ANKRD52: variants seen among roughly 807,000 people sequenced by gnomAD.
ANKRD52 encodes the protein ankyrin repeat domain 52.
A neutral mutation model predicts 116.0 loss-of-function variants in ANKRD52; 7 were observed. The ratio of observed to expected loss-of-function variants is 0.06; its 90% confidence interval spans 0.03 to 0.11. The LOEUF is 0.11. Ranked by LOEUF, ANKRD52 falls within the 10% of genes least tolerant of loss-of-function variation. The pLI is 1.00. For missense variants in ANKRD52, 839 were observed against 1,408.6 expected, an observed-to-expected ratio of 0.60 and a Z score of 6.47; for synonymous variants, 528 against 578.1, an observed-to-expected ratio of 0.91 and a Z score of 1.24.
At chr12:56,250,998 T>G (rs1871661698) in intron 15 of ANKRD52, among the ~76,000 whole-genome samples, 1 of 152,146 alleles carries the variant, frequency 6.6e-6, no homozygotes, top group Non-Finnish European at 1.5e-5. Flanking sequence ...TGGAGTGGAT[T>G]AGTGTGATCT....
rs1871830744 is a variant in ANKRD52, at chr12:56,254,135, C to A, written c.838G>T (p.Ala280Ser). ...DKGFTPLHVAAVSTNGALCLE... is the reference protein window; with the variant it reads ...DKGFTPLHVASVSTNGALCLE... Reference sequence around the variant, plus strand: ...CAGAGAGCGCCATTGGTGGAGACTGCAGCCACATGCAGTGGCGTGAAGCCC... The same window carrying A: ...CAGAGAGCGCCATTGGTGGAGACTGAAGCCACATGCAGTGGCGTGAAGCCC... Residue 280 changes from alanine to serine, a missense_variant, in exon 8 of 28, where the codon GCA becomes TCA. This residue lies in a region of ANKRD52 where 287 missense variants were observed against 598.1 expected (regional missense o/e 0.48). Coordinates refer to ENST00000267116, the MANE Select transcript of ANKRD52 (RefSeq NM_173595.4). The surrounding 1 kb of genome is among the most constrained non-coding windows in gnomAD (Gnocchi z 4.6). 2.5e-6 allele frequency: 4 copies of A among 1,613,742 alleles called. No individual in the cohort carries two copies. Among genetic ancestry groups the A allele is most frequent in the Non-Finnish European group, 1.7e-6 (2 of 1,179,852 alleles).
chr12:56,248,290 C>G lies in ANKRD52; in HGVS notation c.1777-66G>C, dbSNP rs1871516107. ...TTCCCTGCTCCTCCCTTCCCCTTCT[C>G]TGCTCTTGGGGTCCCTGGGAAGCTC... On this transcript the variant is annotated intron_variant, in intron 17 of 27. Coordinates refer to ENST00000267116, the MANE Select transcript of ANKRD52 (RefSeq NM_173595.4). The surrounding 1 kb of genome is among the most constrained non-coding windows in gnomAD (Gnocchi z 5.1). 2 of 1,577,012 alleles carry G rather than the reference C, an allele frequency of 1.3e-6. No individual in the cohort carries two copies. Among genetic ancestry groups the G allele is most frequent in the Non-Finnish European group, 1.7e-6 (2 of 1,151,934 alleles).
chr12:56,257,949 C>G (rs757327432), intron 1 of ANKRD52, 38 bp from the exon 2 acceptor site: 1 of 1,541,062 alleles, frequency 6.5e-7, no homozygotes, highest in Non-Finnish European at 8.9e-7. Flanking sequence ...CGGGCTGGAG[C>G]CGGAGCGGAA....
rs1565604537 is a variant in ANKRD52 at position 56,238,398 on chromosome 12, T to C, written c.*4744A>G. The C allele has an allele frequency of 6.6e-6, 1 of 152,328 alleles. No individual in the cohort carries two copies. Among genetic ancestry groups the C allele is most frequent in the Non-Finnish European group, 1.5e-5 (1 of 68,224 alleles). The allele number at this position is 152,328 out of a possible 1,614,324, so 9.4% of individuals were successfully genotyped here. On this transcript the variant is annotated 3_prime_UTR_variant, in exon 28 of 28. Coordinates refer to ENST00000267116, the MANE Select transcript of ANKRD52 (RefSeq NM_173595.4). ...AAGGGGAGGTTCACACACACATAGA[T>C]GCCCACAGCGGGTACCAGACGGAGA...
chr12:56,247,089 A>G (rs1871443762), intron 20 of ANKRD52, among the ~76,000 whole-genome samples: 1 of 151,500 alleles, frequency 6.6e-6, no homozygotes, highest in South Asian at 2.1e-4. Context: ...TCATGCCTGT[A>G]ATCCCAGCAC....
rs548490878 is a variant in ANKRD52 at position 56,256,923 on chromosome 12, TA to T, written c.261+91del. The stretch of plus-strand genomic sequence containing the variant: ...TCACTACCTGGGGTAGAACAGCTTG[TA>T]GGGCTGAGGACTGAGGCTCCTTAAC... On this transcript the variant is annotated intron_variant, in intron 4 of 27. Coordinates refer to ENST00000267116, the MANE Select transcript of ANKRD52 (RefSeq NM_173595.4). 2,242 of 1,366,410 alleles carry T rather than the reference TA, an allele frequency of 1.6e-3. 3 individuals carry two copies. The highest frequency in any genetic ancestry group is 2.1e-3 in the Admixed American group (84 of 39,194). The allele number at this position is 1,366,410 out of a possible 1,614,324, so 84.6% of individuals were successfully genotyped here.
chr12:56,249,189 C>T (rs1183390495), intron 15 of ANKRD52, among the ~76,000 whole-genome samples: 5 of 152,176 alleles, frequency 3.3e-5, no homozygotes, highest in South Asian at 2.1e-4. Flanking sequence ...CCTCCAGGCA[C>T]GCCAACCCCT....
intron 4 of ANKRD52, among the ~76,000 whole-genome samples, chr12:56,256,223 A>G (rs1315040772): frequency 2.0e-5 from 3 of 152,158 alleles, no homozygotes; most frequent in Non-Finnish European, 2.9e-5. Context: ...TCTTCAAGCC[A>G]CCTGACTCGC....
chr12:56,244,253 C>A lies in ANKRD52; in HGVS notation c.2805+100G>T. Reference sequence around the variant, plus strand: ...TGCCCAACCAGTCGGATAGGCTGGACAATCCTCACTTCTGCCCCAGTCCCC... The same window carrying A: ...TGCCCAACCAGTCGGATAGGCTGGAAAATCCTCACTTCTGCCCCAGTCCCC... On this transcript the variant is annotated intron_variant, in intron 25 of 27. Coordinates refer to ENST00000267116, the MANE Select transcript of ANKRD52 (RefSeq NM_173595.4). This position sits in a 1 kb window ranked among gnomAD's most constrained non-coding sequence, Gnocchi z 4.9. The A allele has an allele frequency of 1.3e-6, 2 of 1,529,308 alleles. No individual in the cohort carries two copies. The highest frequency in any genetic ancestry group is 1.8e-6 in the Non-Finnish European group (2 of 1,107,602). The allele number at this position is 1,529,308 out of a possible 1,614,324, so 94.7% of individuals were successfully genotyped here. A position where few individuals can be genotyped will look rare whatever the true frequency, so the allele number is the denominator to read the frequency against.
At chr12:56,247,956 C>A in intron 18 of ANKRD52, 67 bp downstream of exon 18, 1 of 1,489,436 alleles carries the variant, frequency 6.7e-7, no homozygotes, top group Non-Finnish European at 9.1e-7. Flanking sequence ...CACTTTCCAG[C>A]CCCATTCCCA....
Position 56,248,854 on chromosome 12 carries a change from G to T in ANKRD52, c.1609C>A (p.Leu537Met). Residue 537 changes from leucine to methionine, a missense_variant, in exon 16 of 28, where the codon CTG becomes ATG. By Grantham distance (15) the Leu-to-Met change is conservative. Around this residue, in one of 2 missense-constraint regions of ANKRD52, gnomAD observed 552 missense variants for 810.6 expected, o/e 0.68. Coordinates refer to ENST00000267116, the MANE Select transcript of ANKRD52 (RefSeq NM_173595.4). The surrounding 1 kb of genome is among the most constrained non-coding windows in gnomAD (Gnocchi z 5.1). ...KEAFFCLEFLLDNGADPSLRD... is the reference protein window; with the variant it reads ...KEAFFCLEFLMDNGADPSLRD... ...AGGGAGGGGTCTGCACCGTTATCCA[G>T]TAAGAACTCCAGACAGCTGGGGAGC... The T allele has an allele frequency of 6.2e-7, 1 of 1,605,068 alleles. No homozygotes were observed. Among genetic ancestry groups the T allele is most frequent in the Non-Finnish European group, 8.5e-7 (1 of 1,175,638 alleles).
In ANKRD52 at chr12:56,248,387, C is replaced by T. The variant is rs1169588599; in HGVS notation, c.1776+108G>A. On this transcript the variant is annotated intron_variant, in intron 17 of 27. Transcript: ENST00000267116. The surrounding 1 kb of genome is among the most constrained non-coding windows in gnomAD (Gnocchi z 5.1). ...ACCCTGCACTGTGCTTATCCCCTCT[C>T]CCACAAAAAGGCAGAAGGAAGGATA... 4 of 1,433,202 alleles carry T rather than the reference C, an allele frequency of 2.8e-6. No homozygotes were observed. The highest frequency in any genetic ancestry group is 4.8e-5 in the East Asian group (2 of 41,266). The allele number at this position is 1,433,202 out of a possible 1,614,324, so 88.8% of individuals were successfully genotyped here.
In ANKRD52 at chr12:56,242,980, T is replaced by G; in HGVS notation, c.*162A>C. 1 of 1,062,000 alleles carries G rather than the reference T, an allele frequency of 9.4e-7. No homozygotes were observed. The highest frequency in any genetic ancestry group is 1.3e-6 in the Non-Finnish European group (1 of 762,150). The allele number at this position is 1,062,000 out of a possible 1,614,324, so 65.8% of individuals were successfully genotyped here. ...GTCCCAGACCCCTGCCAGGCCAAGA[T>G]GGTGTGGCAAAGGGGTGAGCAGCTG... is the stretch of plus-strand genomic sequence containing the variant. On this transcript the variant is annotated 3_prime_UTR_variant, in exon 28 of 28. Coordinates refer to ENST00000267116, the MANE Select transcript of ANKRD52 (RefSeq NM_173595.4). This position sits in a 1 kb window ranked among gnomAD's most constrained non-coding sequence, Gnocchi z 4.3.
At chr12:56,258,098 C>A in intron 1 of ANKRD52, 145 bp downstream of exon 1, 1 of 1,432,954 alleles carries the variant, frequency 7.0e-7, no homozygotes, top group South Asian at 1.3e-5. Context: ...GACACCGGCT[C>A]GGTTGAGGGG....
Position 56,242,999 on chromosome 12 carries a change from G to A in ANKRD52, c.*143C>T. On this transcript the variant is annotated 3_prime_UTR_variant, in exon 28 of 28. Coordinates refer to ENST00000267116, the MANE Select transcript of ANKRD52 (RefSeq NM_173595.4). This position sits in a 1 kb window ranked among gnomAD's most constrained non-coding sequence, Gnocchi z 4.3. ...CCAAGATGGTGTGGCAAAGGGGTGAGCAGCTGCTCCCCAGGGCTTCCTTCC... is the reference window on the plus strand; with the variant it reads ...CCAAGATGGTGTGGCAAAGGGGTGAACAGCTGCTCCCCAGGGCTTCCTTCC... 1.6e-6 allele frequency: 2 copies of A among 1,213,064 alleles called. No homozygotes were observed. The highest frequency in any genetic ancestry group is 2.6e-5 in the East Asian group (1 of 38,976). The allele number at this position is 1,213,064 out of a possible 1,614,324, so 75.1% of individuals were successfully genotyped here.
rs1871545580 is a variant in ANKRD52, at chr12:56,248,775, C to T, written c.1688G>A (p.Arg563Lys). 1 of 1,610,646 alleles carries T rather than the reference C, an allele frequency of 6.2e-7. No homozygotes were observed. The highest frequency in any genetic ancestry group is 8.5e-7 in the Non-Finnish European group (1 of 1,178,064). Residue 563 changes from arginine to lysine, a missense_variant, in exon 16 of 28, where the codon AGA (arginine) becomes AAA (lysine). By Grantham distance (26) the Arg-to-Lys change is conservative. Coordinates refer to ENST00000267116, the MANE Select transcript of ANKRD52 (RefSeq NM_173595.4). The surrounding 1 kb of genome is among the most constrained non-coding windows in gnomAD (Gnocchi z 5.1). ...AACACATACCAGTTCGAGGTTCTGT[C>T]TGTTGCCATAGGCGGCTGCATAGTG... ...AVHYAAAYGN[R>K]QNLELLLEMS...
chr12:56,238,811 GTGGGAGCGGAGGCAGCGGGGGAAGAAGAC>G lies in ANKRD52; in HGVS notation c.*4302_*4330del. ...AAGGGAAACAAGGAGATTGTCCAGG[GTGGGAGCGGAGGCAGCGGGGGAAGAAGAC>G]TGGAAGCAGAGACCTCCCCCCTTGT... On this transcript the variant is annotated 3_prime_UTR_variant, in exon 28 of 28. Transcript: ENST00000267116. 1 of 153,030 alleles carries G rather than the reference GTGGGAGCGGAGGCAGCGGGGGAAGAAGAC, an allele frequency of 6.5e-6. No individual in the cohort carries two copies. Among genetic ancestry groups the G allele is most frequent in the Non-Finnish European group, 1.5e-5 (1 of 68,510 alleles). 9.5% of individuals were successfully genotyped at this position (153,030 alleles called of 1,614,324 possible).
At position 56,258,326 on chromosome 12, in the gene ANKRD52, C is replaced by T; in HGVS notation, c.-57G>A. ...CCCGGCGGCGGCGGCGGCGGCTCCA[C>T]CGGGGACACGGAGCGGCCCAGGCGG... On this transcript the variant is annotated 5_prime_UTR_variant, in exon 1 of 28. It adds an upstream start codon to the 5' untranslated region. Coordinates refer to ENST00000267116, the MANE Select transcript of ANKRD52 (RefSeq NM_173595.4). 1 of 1,501,626 alleles carries T rather than the reference C, an allele frequency of 6.7e-7. No individual in the cohort carries two copies. Among genetic ancestry groups the T allele is most frequent in the South Asian group, 1.3e-5 (1 of 79,076 alleles). 93.0% of individuals were successfully genotyped at this position (1,501,626 alleles called of 1,614,324 possible). A position where few individuals can be genotyped will look rare whatever the true frequency, so the allele number is the denominator to read the frequency against.
intron 18 of ANKRD52, 74 bp from the exon 19 acceptor site, chr12:56,247,848 G>C: frequency 6.7e-7 from 1 of 1,488,772 alleles, no homozygotes; most frequent in Non-Finnish European, 9.1e-7. Context: ...TAAAGGACTT[G>C]GGGTCAATGT....
Sources: gnomAD v4.1 joint callset for allele counts (sites outside exome capture counted in the v4.1 genomes callset) on GRCh38, gnomAD v4.1.1 for gene constraint, gnomAD v4.1.1 regional missense constraint, Gnocchi (gnomAD v3.1) non-coding constraint, MANE v1.5 for transcripts, NCBI Gene and HGNC (gene_info 2026-07-23, HGNC 2026-07-21) for gene names.